Variants in KIR3DL1 observed in about 807,000 individuals in gnomAD.
KIR3DL1 encodes the protein killer cell immunoglobulin like receptor, three Ig domains and long cytoplasmic tail 1.
Under a neutral mutation model 40.3 loss-of-function variants are expected in KIR3DL1, and 50 were observed. The ratio of observed to expected loss-of-function variants is 1.24; its 90% confidence interval spans 0.99 to 1.57. KIR3DL1 has a LOEUF of 1.57. Ranked by LOEUF, KIR3DL1 falls within the 40% of genes most tolerant of loss-of-function variation. KIR3DL1 has a pLI of 0.00. For synonymous variants in KIR3DL1, 257 were observed against 207.2 expected, an observed-to-expected ratio of 1.24 and a Z score of -2.07; for missense variants, 661 against 559.9, an observed-to-expected ratio of 1.18 and a Z score of -1.82.
chr19:54,829,131 G>A lies in KIR3DL1; in HGVS notation c.1001-230G>A, dbSNP rs535054918. The stretch of plus-strand genomic sequence containing the variant: ...CACTGGGGGTTAAATTTCAATGTGA[G>A]GTTTGAAGGGGTCAAACATCTCAAC... On this transcript the variant is annotated intron_variant, in intron 6 of 8. Transcript: ENST00000391728. Among the ~76,000 whole-genome samples the A allele has an allele frequency of 5.5e-5, 8 of 145,060 alleles. 1 individual carries two copies. The East Asian group carries it at 1.6e-3, about 30-fold the overall frequency.
chr19:54,821,861 G>T lies in KIR3DL1; in HGVS notation c.949+3G>T. The T allele has an allele frequency of 1.3e-6, 2 of 1,599,252 alleles. No homozygotes were observed. Among genetic ancestry groups the T allele is most frequent in the South Asian group, 2.2e-5 (2 of 90,556 alleles). ...CCCACTGCTTGTTTCTGTCACAGGT[G>T]AGAAAAGCCCATATCTCTCTCATGT... On this transcript the variant is annotated splice_donor_region_variant and intron_variant, in intron 5 of 8. Transcript: ENST00000391728.
At chr19:54,828,025 C>G (rs1417157985) in intron 6 of KIR3DL1, among the ~76,000 whole-genome samples, 1 of 150,668 alleles carries the variant, frequency 6.6e-6, no homozygotes, top group Non-Finnish European at 1.5e-5. Flanking sequence ...TCCTGCTCCC[C>G]TTTCCTACTA....
At position 54,830,089 on chromosome 19, in the gene KIR3DL1, C is replaced by T; in HGVS notation, c.1159-10C>T. The T allele has an allele frequency of 7.2e-6, 11 of 1,520,252 alleles. 2 individuals carry two copies. The highest frequency in any genetic ancestry group is 8.9e-6 in the Non-Finnish European group (10 of 1,120,770). 94.2% of individuals were successfully genotyped at this position (1,520,252 alleles called of 1,614,324 possible). A position where few individuals can be genotyped will look rare whatever the true frequency, so the allele number is the denominator to read the frequency against. Reference sequence around the variant, plus strand: ...TTTCCCTCCCTCACTCAGCATTTCCCTCTCTCCAGGACTCTGATGAACAAG... The same window carrying T: ...TTTCCCTCCCTCACTCAGCATTTCCTTCTCTCCAGGACTCTGATGAACAAG... On this transcript the variant is annotated splice_polypyrimidine_tract_variant and intron_variant, in intron 8 of 8. Coordinates refer to ENST00000391728, the Ensembl canonical transcript of KIR3DL1.
intron 6 of KIR3DL1, among the ~76,000 whole-genome samples, chr19:54,827,265 G>T (rs1388449461): frequency 6.6e-6 from 1 of 151,352 alleles, no homozygotes; most frequent in Non-Finnish European, 1.5e-5. Context: ...ACAGATATAT[G>T]AGGGGTGGTG....
chr19:54,830,033 G>T, intron 8 of KIR3DL1, 53 bp downstream of exon 8: 1 of 1,522,502 alleles, frequency 6.6e-7, no homozygotes, highest in Non-Finnish European at 8.9e-7. Context: ...AAACAGTCCT[G>T]GAAAACGTGA....
At chr19:54,819,755 T>G in exon 4 of KIR3DL1, 1 of 1,610,388 alleles carries the variant, frequency 6.2e-7, no homozygotes, top group Non-Finnish European at 8.5e-7. Context: ...CCAGGTCCCC[T>G]GGTGAAATCA....
At chr19:54,816,583 G>C in intron 1 of KIR3DL1, 49 bp downstream of exon 1, 1 of 1,592,292 alleles carries the variant, frequency 6.3e-7, no homozygotes. Flanking sequence ...ATGGAGATCT[G>C]GACCTGGAGG....
rs980578878 is a variant in KIR3DL1, at chr19:54,821,917, T to C, written c.949+59T>C. ...GATCCTAAATCCTTAGCTAAGGAGCTTCCTGCTGATGATGGAGAAAAGCAT... is the reference window on the plus strand; with the variant it reads ...GATCCTAAATCCTTAGCTAAGGAGCCTCCTGCTGATGATGGAGAAAAGCAT... On this transcript the variant is annotated intron_variant, in intron 5 of 8. Coordinates refer to ENST00000391728, the Ensembl canonical transcript of KIR3DL1. 59 of 1,539,472 alleles carry C rather than the reference T, an allele frequency of 3.8e-5. 1 individual carries two copies. The highest frequency in any genetic ancestry group is 3.4e-4 in the Middle Eastern group (2 of 5,814).
chr19:54,819,713 G>A, exon 4 of KIR3DL1: 1 of 1,607,164 alleles, frequency 6.2e-7, no homozygotes, highest in Non-Finnish European at 8.5e-7. Context: ...CTCTTTCTAG[G>A]AAACCACAGA....
chr19:54,816,628 T>TGG, intron 1 of KIR3DL1, 94 bp downstream of exon 1: 1 of 1,460,342 alleles, frequency 6.8e-7, no homozygotes. Flanking sequence ...GTTATGGGCC[T>TGG]AGAGGTGGAG....
rs1374958976 is a variant in KIR3DL1 at position 54,830,710 on chromosome 19, T to C, written c.*435T>C. 1.4e-5 allele frequency: 3 copies of C among 209,560 alleles called. 1 individual carries two copies. Among genetic ancestry groups the C allele is most frequent in the Non-Finnish European group, 2.8e-5 (3 of 107,366 alleles). 13.0% of individuals were successfully genotyped at this position (209,560 alleles called of 1,614,324 possible). A position where few individuals can be genotyped will look rare whatever the true frequency, so the allele number is the denominator to read the frequency against. ...CTATTTTCCAGCCTTCTGTCAGCAGTGAAACTTATAAAATTTTTTGTGATT... is the reference window on the plus strand; with the variant it reads ...CTATTTTCCAGCCTTCTGTCAGCAGCGAAACTTATAAAATTTTTTGTGATT... On this transcript the variant is annotated 3_prime_UTR_variant, in exon 9 of 9. Transcript: ENST00000391728.
intron 1 of KIR3DL1, 151 bp from the exon 2 acceptor site, chr19:54,817,383 G>T: frequency 1.4e-6 from 1 of 728,138 alleles, no homozygotes; most frequent in Non-Finnish European, 2.4e-6. Flanking sequence ...GCACAGCCGA[G>T]ATCCTTGTTC....
intron 2 of KIR3DL1, 47 bp from the exon 3 acceptor site, chr19:54,818,268 G>A: frequency 1.3e-6 from 2 of 1,563,430 alleles, no homozygotes; most frequent in Non-Finnish European, 1.7e-6. Context: ...GGAGTGAGGG[G>A]CGGCTCCACA....
rs1274356641 is a variant in KIR3DL1 at position 54,821,197 on chromosome 19, T to C, written c.656-368T>C. ...GTGATACATAAATATAGATGATAGA[T>C]AATTTGTAGATAGACACAAAATAGA... On this transcript the variant is annotated intron_variant, in intron 4 of 8. Transcript: ENST00000391728. 5.0e-4 allele frequency among the ~76,000 whole-genome samples: 69 copies of C among 137,236 alleles called. 2 individuals are homozygous for C. Among genetic ancestry groups the C allele is most frequent in the Middle Eastern group, 7.4e-3 (2 of 272 alleles). 90.0% of individuals were successfully genotyped at this position (137,236 alleles called of 152,430 possible). A position where few individuals can be genotyped will look rare whatever the true frequency, so the allele number is the denominator to read the frequency against.
At chr19:54,821,616 C>G (rs1183781762) in exon 5 of KIR3DL1, 3 of 1,608,750 alleles carry the variant, frequency 1.9e-6, no homozygotes, top group South Asian at 1.1e-5. Context: ...AAGGTTCAGG[C>G]AGGAGAGAGC....
At position 54,829,369 on chromosome 19, in the gene KIR3DL1, A is replaced by C. The variant is rs779178298; in HGVS notation, c.1009A>C (p.Arg337=). The C allele has an allele frequency of 2.4e-5, 35 of 1,480,840 alleles. 3 individuals are homozygous for C. The highest frequency in any genetic ancestry group is 1.7e-4 in the Middle Eastern group (1 of 5,722). 91.7% of individuals were successfully genotyped at this position (1,480,840 alleles called of 1,614,324 possible). A position where few individuals can be genotyped will look rare whatever the true frequency, so the allele number is the denominator to read the frequency against. Residue 337 remains arginine (R), a synonymous_variant, in exon 7 of 9, where the codon AGA becomes CGA. Transcript: ENST00000391728. ...GTCTCCTCTTCTTCCAGGTAACCCC[A>C]GACACCTGCACATTCTGATTGGGAC...
intron 6 of KIR3DL1, among the ~76,000 whole-genome samples, chr19:54,828,148 G>A (rs34727739): frequency 0.19 from 27,779 of 150,144 alleles, 3,014 homozygotes; most frequent in South Asian, 0.32. Flanking sequence ...ATCACAAAGA[G>A]TAGCACATTT....
chr19:54,829,947 A>T, exon 8 of KIR3DL1: 1 of 1,528,540 alleles, frequency 6.5e-7, no homozygotes, highest in Non-Finnish European at 8.9e-7. Context: ...TAATGGACCA[A>T]GAGCCTGCAG....
At position 54,822,027 on chromosome 19, in the gene KIR3DL1, T is replaced by G. The variant is rs1040457693; in HGVS notation, c.949+169T>G. ...AGACAGGGCACCTCCAAACCCTCCT[T>G]CATGGCCTGCATGGAGGCCTCCGAT... is the stretch of plus-strand genomic sequence containing the variant. On this transcript the variant is annotated intron_variant, in intron 5 of 8. Transcript: ENST00000391728. 5.5e-4 allele frequency among the ~76,000 whole-genome samples: 83 copies of G among 151,062 alleles called. 3 individuals carry two copies. The highest frequency in any genetic ancestry group is 6.9e-4 in the Non-Finnish European group (47 of 67,844).
Sources: allele counts gnomAD v4.1 joint callset (sites outside exome capture counted in the v4.1 genomes callset), GRCh38; gene constraint gnomAD v4.1.1; transcripts MANE v1.5; gene names NCBI Gene and HGNC (gene_info 2026-07-23, HGNC 2026-07-21).